SLC35B1: variants seen among roughly 807,000 people sequenced by gnomAD.
SLC35B1 encodes ATP/ADP exchanger ER.
A neutral mutation model predicts 36.6 loss-of-function variants in SLC35B1; 27 were observed. That is an observed-to-expected ratio of 0.74 (90% CI 0.54 to 1.02). The LOEUF is 1.02. SLC35B1 is among the 50% of genes least tolerant of loss of function. The pLI is 0.00. For synonymous variants in SLC35B1, 162 were observed against 152.5 expected (o/e 1.06, Z -0.46); for missense variants, 321 against 383.2 (o/e 0.84, Z 1.35).
rs369844718 is a variant in SLC35B1, at chr17:49,706,205, T to C, written c.338A>G (p.Gln113Arg). 2 of 1,598,582 alleles carry C rather than the reference T, an allele frequency of 1.3e-6. No homozygotes were observed. Among genetic ancestry groups the C allele is most frequent in the Non-Finnish European group, 8.5e-7 (1 of 1,175,856 alleles). Residue 113 changes from glutamine to arginine, a missense_variant and splice_region_variant, in exon 3 of 9, where the codon CAG becomes CGG. Coordinates refer to ENST00000240333, the MANE Select transcript of SLC35B1 (RefSeq NM_005827.4). ...CATCATCCCACCCTGAGGTTTCACC[T>C]GAGTTGGGTAGTTGACAAACTGTAG... Reference protein sequence around the residue: ...SALQFVNYPTQVLGKSCKPIP... With the variant: ...SALQFVNYPTRVLGKSCKPIP...
chr17:49,706,122 T>TTTAAAAAACAG, intron 3 of SLC35B1, 82 bp downstream of exon 3: 1 of 1,239,704 alleles, frequency 8.1e-7, no homozygotes, highest in Non-Finnish European at 1.1e-6. Flanking sequence ...TTTTTTTTTT[T>TTTAAAAAACAG]AACTCACAGA....
At position 49,705,762 on chromosome 17, in the gene SLC35B1, G is replaced by A. The variant is rs1329729260; in HGVS notation, c.370+104C>T. On this transcript the variant is annotated intron_variant, in intron 4 of 8. Transcript: ENST00000240333. ...AGCTGGGGGAAAGTCCCTGGAGACA[G>A]CCATGATGGGATGATGAAGCCGAGA... 2.2e-5 allele frequency: 24 copies of A among 1,105,108 alleles called. 1 individual carries two copies. In the Admixed American group the frequency reaches 3.6e-4, roughly 17 times the overall value. The allele number at this position is 1,105,108 out of a possible 1,614,324, so 68.5% of individuals were successfully genotyped here. A position where few individuals can be genotyped will look rare whatever the true frequency, so the allele number is the denominator to read the frequency against.
chr17:49,703,387 C>T, intron 6 of SLC35B1, 93 bp from the exon 7 acceptor site: 1 of 820,196 alleles, frequency 1.2e-6, no homozygotes, highest in Non-Finnish European at 2.1e-6. Context: ...GACACTCCTG[C>T]ACATGGCCTG....
Position 49,707,086 on chromosome 17 carries a change from G to A in SLC35B1, c.105-18C>T, listed in dbSNP as rs778874052. 4 of 1,577,832 alleles carry A rather than the reference G, an allele frequency of 2.5e-6. No homozygotes were observed. The highest frequency in any genetic ancestry group is 4.5e-5 in the East Asian group (2 of 44,714). On this transcript the variant is annotated intron_variant, in intron 1 of 8. Transcript: ENST00000240333. ...CTCTTGTTCTAGAAATGAAATGCATGAGAAAAGAGGGAGAAATTAGTGTAT... is the reference window on the plus strand; with the variant it reads ...CTCTTGTTCTAGAAATGAAATGCATAAGAAAAGAGGGAGAAATTAGTGTAT...
At chr17:49,705,558 G>A (rs947035109) in intron 4 of SLC35B1, 10 of 583,976 alleles carry the variant, frequency 1.7e-5, no homozygotes, top group Admixed American at 6.4e-5. Flanking sequence ...AAGAAGTTGA[G>A]ATAAAGAAAC....
chr17:49,703,316 T>G (rs772369898), intron 6 of SLC35B1, 22 bp from the exon 7 acceptor site: 1 of 1,503,298 alleles, frequency 6.7e-7, no homozygotes, highest in Non-Finnish European at 9.2e-7. Context: ...TGTCAACAAA[T>G]GTACGGCGCA....
upstream of SLC35B1, chr17:49,708,158 T>G: frequency 1.5e-6 from 1 of 685,648 alleles, no homozygotes; most frequent in South Asian, 1.5e-5. Context: ...ATCAGGCAAC[T>G]CTGAGGACAA....
At chr17:49,702,677 C>G (rs1287266116) in intron 8 of SLC35B1, 181 bp downstream of exon 8, 4 of 590,430 alleles carry the variant, frequency 6.8e-6, no homozygotes, top group Non-Finnish European at 1.1e-5. Context: ...GGAGGCTCAC[C>G]CGATTGGTGA....
At position 49,706,297 on chromosome 17, in the gene SLC35B1, G is replaced by C. The variant is rs1213466963; in HGVS notation, c.246C>G (p.Thr82=). Residue 82 remains threonine (T), a synonymous_variant, in exon 3 of 9, where the codon ACC becomes ACG. Transcript: ENST00000240333. ...QFFDTARVDR[T]RSWLYAACSI... The stretch of plus-strand genomic sequence containing the variant: ...AACAGGCAGCATAGAGCCAGCTCCG[G>C]GTACGATCCACCCTGGCAGTGTCAA... 13 of 1,599,272 alleles carry C rather than the reference G, an allele frequency of 8.1e-6. No homozygotes were observed. In the African/African-American group the frequency reaches 1.4e-4, roughly 17 times the overall value.
chr17:49,704,230 G>T lies in SLC35B1; in HGVS notation c.529-4C>A. The T allele has an allele frequency of 6.2e-7, 1 of 1,612,778 alleles. No homozygotes were observed. The highest frequency in any genetic ancestry group is 1.1e-5 in the South Asian group (1 of 91,028). ...CATCCAGGGTCAGCGATAATAGCTG[G>T]GAAAGAAAGGGTGCAGCCTGCAGTG... On this transcript the variant is annotated splice_region_variant and splice_polypyrimidine_tract_variant and intron_variant, in intron 5 of 8. Coordinates refer to ENST00000240333, the MANE Select transcript of SLC35B1 (RefSeq NM_005827.4).
intron 1 of SLC35B1, 180 bp from the exon 2 acceptor site, chr17:49,707,248 T>C (rs2073430565): frequency 4.2e-6 from 6 of 1,424,548 alleles, no homozygotes; most frequent in Admixed American, 2.3e-5. Flanking sequence ...ATCTAGAAAC[T>C]AGACATCCCA....
At chr17:49,702,742 G>A (rs984764271) in intron 8 of SLC35B1, 116 bp downstream of exon 8, 50 of 1,170,972 alleles carry the variant, frequency 4.3e-5, no homozygotes, top group Non-Finnish European at 5.1e-5. Flanking sequence ...GCGAAACTCC[G>A]TCTCAAAAAA....
In SLC35B1 at chr17:49,706,272, A is replaced by AT. The variant is rs1450649062; in HGVS notation, c.270_271insA (p.Ser91IlefsTer27). The AT allele has an allele frequency of 6.2e-7, 1 of 1,609,772 alleles. No individual in the cohort carries two copies. On this transcript the variant is annotated frameshift_variant, in exon 3 of 9. Coordinates refer to ENST00000240333, the MANE Select transcript of SLC35B1 (RefSeq NM_005827.4). LOFTEE classifies it high-confidence loss of function. The stretch of plus-strand genomic sequence containing the variant: ...ACCATGGCACCCAGATAGGAGATAG[A>AT]ACAGGCAGCATAGAGCCAGCTCCGG...
intron 6 of SLC35B1, chr17:49,703,499 TA>T: frequency 4.0e-6 from 2 of 501,860 alleles, no homozygotes; most frequent in South Asian, 4.1e-5. Context: ...TTAGAGAAAC[TA>T]AAGAGAATTT....
chr17:49,707,408 A>AG, intron 1 of SLC35B1: 1 of 1,438,266 alleles, frequency 7.0e-7, no homozygotes, highest in Non-Finnish European at 9.2e-7. Flanking sequence ...GTTGTTTGCA[A>AG]GCATCTGGGA....
rs150721486 is a variant in SLC35B1 at position 49,705,145 on chromosome 17, G to T, written c.507C>A (p.Val169=). 1 of 1,613,978 alleles carries T rather than the reference G, an allele frequency of 6.2e-7. No homozygotes were observed. Among genetic ancestry groups the T allele is most frequent in the African/African-American group, 1.3e-5 (1 of 74,894 alleles). ...KKVVGIEEHT[V]GYGELLLLLS... ...ATACCAAGAGTAGCTCTCCATAGCC[G>T]ACTGTGTGTTCTTCTATCCCAACAA... The change falls in exon 5 of 9, where the codon GTC becomes GTA. Residue 169 remains valine, a synonymous_variant. Coordinates refer to ENST00000240333, the MANE Select transcript of SLC35B1 (RefSeq NM_005827.4).
intron 1 of SLC35B1, chr17:49,707,424 A>G (rs750489924): frequency 1.4e-4 from 197 of 1,447,746 alleles, no homozygotes; most frequent in Non-Finnish European, 1.8e-4. Context: ...TGGGAGTACC[A>G]AAAGGGGGCC....
intron 8 of SLC35B1, chr17:49,702,084 C>T: frequency 5.8e-6 from 1 of 171,260 alleles, no homozygotes; most frequent in Non-Finnish European, 1.3e-5. Flanking sequence ...CAGAGGGAGA[C>T]CCTAGGAAGG....
upstream of SLC35B1, chr17:49,708,018 G>A (rs1282595715): frequency 3.8e-6 from 5 of 1,317,086 alleles, no homozygotes; most frequent in African/African-American, 1.5e-5. Flanking sequence ...GGCTGCCAAG[G>A]GGGAAACTCC....
Sources: allele counts gnomAD v4.1 joint callset, GRCh38; gene constraint gnomAD v4.1.1; transcripts MANE v1.5; gene names NCBI Gene and HGNC (gene_info 2026-07-23, HGNC 2026-07-21).